Variants in RBFOX1 observed in about 807,000 individuals in gnomAD.
RBFOX1 encodes the protein RNA binding fox-1 homolog 1.
In RBFOX1, 8 loss-of-function variants were observed where a neutral mutation model predicts 57.7. The ratio of observed to expected loss-of-function variants is 0.14; its 90% CI spans 0.08 to 0.25. The LOEUF is 0.25. Ranked by LOEUF, RBFOX1 falls within the 10% of genes least tolerant of loss-of-function variation. The pLI is 1.00. For synonymous variants in RBFOX1, 326 were observed against 222.4 expected (o/e 1.47, Z -4.15); for missense variants, 611 against 548.5 (o/e 1.11, Z -1.14).
intron 3 of RBFOX1, among the ~76,000 whole-genome samples, chr16:5,609,404 T>C (rs895371034): frequency 6.6e-6 from 1 of 152,182 alleles, no homozygotes; most frequent in Non-Finnish European, 1.5e-5. Flanking sequence ...TGAATGCCTG[T>C]CACCTTCCAC....
chr16:6,208,076 G>A (rs1019992369), intron 1 of RBFOX1, among the ~76,000 whole-genome samples: 4 of 151,528 alleles, frequency 2.6e-5, no homozygotes, highest in Non-Finnish European at 4.4e-5. Flanking sequence ...ATAGTCTGGC[G>A]GTCAACAGTT....
At chr16:5,697,365 T>C (rs897917097) in intron 3 of RBFOX1, among the ~76,000 whole-genome samples, 1 of 151,218 alleles carries the variant, frequency 6.6e-6, no homozygotes, top group African/African-American at 2.4e-5. Flanking sequence ...TCATATAATA[T>C]GAATAATATG....
chr16:5,641,988 T>A (rs2048892017), intron 3 of RBFOX1, among the ~76,000 whole-genome samples: 1 of 152,190 alleles, frequency 6.6e-6, no homozygotes, highest in African/African-American at 2.4e-5. Flanking sequence ...TGATTCTGGA[T>A]CTCGAGTGAG....
intron 3 of RBFOX1, among the ~76,000 whole-genome samples, chr16:6,878,487 A>G (rs555610655): frequency 6.6e-6 from 1 of 152,310 alleles, no homozygotes; most frequent in East Asian, 1.9e-4. Flanking sequence ...CATGATGGAC[A>G]TGTGATATGA....
chr16:7,481,267 G>A (rs963261276), intron 4 of RBFOX1, among the ~76,000 whole-genome samples: 71 of 152,156 alleles, frequency 4.7e-4, no homozygotes, highest in African/African-American at 1.6e-3. Context: ...CGTCTTCAGG[G>A]TGCTTACGGT....
chr16:6,445,022 G>T (rs542230709), intron 2 of RBFOX1, among the ~76,000 whole-genome samples: 156 of 152,184 alleles, frequency 1.0e-3, no homozygotes, highest in African/African-American at 3.7e-3. Flanking sequence ...ATTCCAGGCA[G>T]GAGATGATGA....
intron 2 of RBFOX1, among the ~76,000 whole-genome samples, chr16:5,511,857 TC>T (rs2151724443): frequency 6.6e-6 from 1 of 152,298 alleles, no homozygotes; most frequent in East Asian, 1.9e-4. Flanking sequence ...GAGTTGTCAC[TC>T]CCCAGCAGAG....
intron 4 of RBFOX1, among the ~76,000 whole-genome samples, chr16:7,297,692 TGTAGTA>T (rs1568088932): frequency 1.3e-5 from 2 of 152,130 alleles, no homozygotes; most frequent in South Asian, 4.2e-4. Flanking sequence ...TAACAACAGT[TGTAGTA>T]GTAGTTGTAG....
intron 1 of RBFOX1, among the ~76,000 whole-genome samples, chr16:6,239,017 T>G (rs2097525851): frequency 6.6e-6 from 1 of 152,158 alleles, no homozygotes; most frequent in Non-Finnish European, 1.5e-5. Flanking sequence ...TATTTTTTTT[T>G]GTACCCATTA....
At chr16:5,686,259 T>G (rs2050501995) in intron 3 of RBFOX1, among the ~76,000 whole-genome samples, 1 of 152,176 alleles carries the variant, frequency 6.6e-6, no homozygotes, top group Admixed American at 6.5e-5. Flanking sequence ...TAAATGGAAC[T>G]GGGCACTGTG....
intron 2 of RBFOX1, among the ~76,000 whole-genome samples, chr16:6,591,923 C>G (rs1282708696): frequency 6.6e-6 from 1 of 152,188 alleles, no homozygotes; most frequent in Non-Finnish European, 1.5e-5. Context: ...ATATTTGGAA[C>G]TGGCTTCACA....
At chr16:5,482,203 A>T (rs941457763) in intron 2 of RBFOX1, among the ~76,000 whole-genome samples, 2 of 152,122 alleles carry the variant, frequency 1.3e-5, no homozygotes, top group Admixed American at 1.3e-4. Flanking sequence ...TTTGTTCCAG[A>T]TGAGCCATGG....
At chr16:7,390,795 A>C (rs571062567) in intron 4 of RBFOX1, among the ~76,000 whole-genome samples, 1 of 152,310 alleles carries the variant, frequency 6.6e-6, no homozygotes, top group East Asian at 1.9e-4. Context: ...TCCATTTATA[A>C]GAATATGAAT....
At chr16:7,241,605 C>T (rs112239494) in intron 4 of RBFOX1, among the ~76,000 whole-genome samples, 1,758 of 151,794 alleles carry the variant, frequency 0.012, 37 homozygotes, top group African/African-American at 0.041. Context: ...AATGTTTTAT[C>T]TGGAATTTAT....
chr16:5,690,606 T>A (rs551777047), intron 3 of RBFOX1, among the ~76,000 whole-genome samples: 11 of 152,302 alleles, frequency 7.2e-5, no homozygotes, highest in African/African-American at 2.2e-4. Context: ...TTTGAGGGAT[T>A]TGAGGGCAAG....
intron 4 of RBFOX1, among the ~76,000 whole-genome samples, chr16:7,082,771 G>A (rs911047790): frequency 3.9e-5 from 6 of 152,126 alleles, no homozygotes; most frequent in African/African-American, 1.4e-4. Context: ...TAGCAGATCA[G>A]AAGCCACTGA....
intron 4 of RBFOX1, among the ~76,000 whole-genome samples, chr16:7,245,862 G>A (rs543547337): frequency 2.6e-5 from 4 of 152,092 alleles, no homozygotes; most frequent in South Asian, 4.2e-4. Context: ...TCCCCTTTGC[G>A]TTTATCTAAT....
intron 3 of RBFOX1, among the ~76,000 whole-genome samples, chr16:6,858,035 C>G (rs970342781): frequency 1.3e-5 from 2 of 152,200 alleles, no homozygotes; most frequent in African/African-American, 4.8e-5. Context: ...CTCTTCTACT[C>G]ACAAATGTTC....
chr16:6,601,242 A>T (rs1227804292), intron 2 of RBFOX1, among the ~76,000 whole-genome samples: 1 of 152,146 alleles, frequency 6.6e-6, no homozygotes, highest in Admixed American at 6.5e-5. Flanking sequence ...GACGAATTGA[A>T]CCAGCATATA....
Sources: gnomAD v4.1 joint callset for allele counts (sites outside exome capture counted in the v4.1 genomes callset) on GRCh38, gnomAD v4.1.1 for gene constraint, MANE v1.5 for transcripts, NCBI Gene and HGNC (gene_info 2026-07-23, HGNC 2026-07-21) for gene names.